ENTREP2: variants seen among roughly 807,000 people sequenced by gnomAD.
ENTREP2 encodes protein ENTREP2.
the ENTREP2 span, among the ~76,000 whole-genome samples, chr15:29,272,489 T>C: frequency 0.022 from 3,381 of 152,266 alleles, 103 homozygotes; most frequent in African/African-American, 0.061. Flanking sequence ...TTCTACTTTA[T>C]TGTTAGTGTC....
the ENTREP2 span, among the ~76,000 whole-genome samples, chr15:29,129,852 C>A: frequency 6.6e-6 from 1 of 152,098 alleles, no homozygotes; most frequent in South Asian, 2.1e-4. Context: ...CATGAGCACC[C>A]CCATGCACCC....
the ENTREP2 span, among the ~76,000 whole-genome samples, chr15:29,523,818 C>G: frequency 0.37 from 55,408 of 151,584 alleles, 10,158 homozygotes; most frequent in East Asian, 0.42. Context: ...GGTGCTGGGA[C>G]AACTAGATAG....
chr15:29,366,695 T>C, the ENTREP2 span, among the ~76,000 whole-genome samples: 1 of 152,218 alleles, frequency 6.6e-6, no homozygotes, highest in Admixed American at 6.5e-5. Flanking sequence ...GCTTCTTCTA[T>C]TTAGCCATTT....
the ENTREP2 span, among the ~76,000 whole-genome samples, chr15:29,294,922 T>C: frequency 1.3e-5 from 2 of 152,166 alleles, no homozygotes; most frequent in Non-Finnish European, 2.9e-5. Flanking sequence ...GCCTTCTTCA[T>C]TGCAGGCTCC....
the ENTREP2 span, among the ~76,000 whole-genome samples, chr15:29,469,977 C>G: frequency 1.3e-5 from 2 of 152,228 alleles, no homozygotes; most frequent in African/African-American, 2.4e-5. Context: ...CCTGGGTCAT[C>G]AAAAGTAAGA....
chr15:29,234,135 G>C, the ENTREP2 span: 2 of 1,548,020 alleles, frequency 1.3e-6, no homozygotes, highest in Non-Finnish European at 1.8e-6. Context: ...TTGGGACTCT[G>C]CTCTCCATGT....
chr15:29,491,251 C>T, the ENTREP2 span, among the ~76,000 whole-genome samples: 1 of 152,162 alleles, frequency 6.6e-6, no homozygotes, highest in Non-Finnish European at 1.5e-5. Flanking sequence ...TGCCCGCACC[C>T]CTCCCTCCAC....
At chr15:29,458,642 A>G in the ENTREP2 span, among the ~76,000 whole-genome samples, 10 of 152,112 alleles carry the variant, frequency 6.6e-5, no homozygotes, top group Non-Finnish European at 1.5e-4. Context: ...CCTCCTCTGG[A>G]TCCTCAGTCG....
the ENTREP2 span, among the ~76,000 whole-genome samples, chr15:29,505,673 C>T: frequency 1.3e-5 from 2 of 152,128 alleles, no homozygotes; most frequent in Non-Finnish European, 2.9e-5. The surrounding 1 kb of genome is among the most constrained non-coding windows in gnomAD (Gnocchi z 4.3). Flanking sequence ...GGCCTGATGA[C>T]CGTTAGAAGG....
the ENTREP2 span, among the ~76,000 whole-genome samples, chr15:29,658,456 G>A: frequency 2.0e-5 from 3 of 152,156 alleles, no homozygotes; most frequent in Admixed American, 6.5e-5. Context: ...AATTTAGGAG[G>A]AGGTGGTTAT....
At chr15:29,194,603 G>A in the ENTREP2 span, among the ~76,000 whole-genome samples, 6 of 152,140 alleles carry the variant, frequency 3.9e-5, no homozygotes, top group Non-Finnish European at 5.9e-5. Flanking sequence ...ACTCTATGCC[G>A]TTTTTGCCAC....
chr15:29,530,512 G>T, the ENTREP2 span, among the ~76,000 whole-genome samples: 1 of 152,098 alleles, frequency 6.6e-6, no homozygotes, highest in Non-Finnish European at 1.5e-5. Flanking sequence ...CTACCAGATC[G>T]ATCAAGCGAA....
the ENTREP2 span, among the ~76,000 whole-genome samples, chr15:29,155,065 A>G: frequency 0.67 from 101,195 of 150,690 alleles, 35,409 homozygotes; most frequent in African/African-American, 0.89. Flanking sequence ...GGTGGATCAC[A>G]AGGTCAGGAG....
At chr15:29,444,220 AAGAAAGAAAG>A in the ENTREP2 span, among the ~76,000 whole-genome samples, 1 of 150,876 alleles carries the variant, frequency 6.6e-6, no homozygotes, top group Non-Finnish European at 1.5e-5. Context: ...GAAAGAAAGA[AAGAAAGAAAG>A]AAAGAAAGAA....
chr15:29,343,780 G>A, the ENTREP2 span, among the ~76,000 whole-genome samples: 3 of 152,072 alleles, frequency 2.0e-5, no homozygotes, highest in Non-Finnish European at 4.4e-5. Context: ...ACTTTAAGCC[G>A]TGTAAATATC....
At chr15:29,269,712 G>A in the ENTREP2 span, 1 of 1,517,380 alleles carries the variant, frequency 6.6e-7, no homozygotes, top group Non-Finnish European at 8.8e-7. Flanking sequence ...ACATGTCTCC[G>A]GCGGCAGGTG....
At chr15:29,472,242 C>A in the ENTREP2 span, among the ~76,000 whole-genome samples, 1 of 152,114 alleles carries the variant, frequency 6.6e-6, no homozygotes, top group Non-Finnish European at 1.5e-5. Flanking sequence ...GCCTGTCATG[C>A]AATTCACCCA....
At chr15:29,357,372 G>C in the ENTREP2 span, among the ~76,000 whole-genome samples, 1 of 152,044 alleles carries the variant, frequency 6.6e-6, no homozygotes, top group African/African-American at 2.4e-5. Flanking sequence ...TAAGAAAAAT[G>C]ACATGGTAAG....
At chr15:29,414,264 G>C in the ENTREP2 span, among the ~76,000 whole-genome samples, 2 of 152,082 alleles carry the variant, frequency 1.3e-5, no homozygotes, top group Admixed American at 6.6e-5. Flanking sequence ...GCACTCCTCA[G>C]CAAATGTAAA....
Sources: allele counts gnomAD v4.1 joint callset (sites outside exome capture counted in the v4.1 genomes callset), GRCh38; gene constraint gnomAD v4.1.1; non-coding constraint Gnocchi (gnomAD v3.1); transcripts MANE v1.5; gene names NCBI Gene and HGNC (gene_info 2026-07-23, HGNC 2026-07-21).